TTBK2: variants seen among roughly 807,000 people sequenced by gnomAD.
TTBK2 encodes tau-tubulin kinase 2.
A neutral mutation model predicts 110.8 loss-of-function variants in TTBK2; 28 were observed. That is an observed-to-expected ratio of 0.25 (90% CI 0.19 to 0.35). TTBK2 has a LOEUF of 0.35. Ranked by LOEUF, TTBK2 falls within the 10% of genes least tolerant of loss-of-function variation. The pLI, the probability that TTBK2 is intolerant of heterozygous loss-of-function variation, is 1.00. For synonymous variants in TTBK2, 532 were observed against 527.3 expected, an observed-to-expected ratio of 1.01 and a Z score of -0.12; for missense variants, 1,369 against 1,500.3, an observed-to-expected ratio of 0.91 and a Z score of 1.45.
chr15:42,813,847 C>A (rs1891828897), intron 7 of TTBK2, among the ~76,000 whole-genome samples: 1 of 150,934 alleles, frequency 6.6e-6, no homozygotes, highest in Non-Finnish European at 1.5e-5. Flanking sequence ...GAGAGCAGGA[C>A]TCCATCTCTT....
At chr15:42,912,987 C>T (rs1275801026) in intron 1 of TTBK2, among the ~76,000 whole-genome samples, 3 of 145,870 alleles carry the variant, frequency 2.1e-5, no homozygotes, top group East Asian at 4.2e-4. Flanking sequence ...TAGCCGGGCG[C>T]GGTGGCGGGC....
intron 1 of TTBK2, among the ~76,000 whole-genome samples, chr15:42,887,064 C>T (rs1895274495): frequency 6.6e-6 from 1 of 152,162 alleles, no homozygotes; most frequent in East Asian, 1.9e-4. Flanking sequence ...GCTACCCACT[C>T]CACATTACCT....
Position 42,802,137 on chromosome 15 carries a change from C to T in TTBK2, c.823-7336G>A, listed in dbSNP as rs116649053. On this transcript the variant is annotated intron_variant, in intron 9 of 14. Coordinates refer to ENST00000267890, the MANE Select transcript of TTBK2 (RefSeq NM_173500.4). The stretch of plus-strand genomic sequence containing the variant: ...TGTTGTTGAGGGTCTTGATCTGCTT[C>T]TCCTCCTGGGTGCGCACGGCCTGGA... 9.9e-4 allele frequency: 1,416 copies of T among 1,431,186 alleles called. 17 individuals carry two copies. In the African/African-American group the frequency reaches 0.018, roughly 18 times the overall value. The allele number at this position is 1,431,186 out of a possible 1,614,324, so 88.7% of individuals were successfully genotyped here.
Position 42,801,133 on chromosome 15 carries a change from C to T in TTBK2, c.823-6332G>A, listed in dbSNP as rs773835277. The T allele has an allele frequency of 7.8e-6, 8 of 1,031,930 alleles. No homozygotes were observed. In the Admixed American group the frequency reaches 1.4e-4, roughly 17 times the overall value. 63.9% of individuals were successfully genotyped at this position (1,031,930 alleles called of 1,614,324 possible). ...CTGAGGCCAGGGCTTGTGAGGCCCC[C>T]ATAGGCCAAGCTCTGACCACCTGCA... On this transcript the variant is annotated intron_variant, in intron 9 of 14. Transcript: ENST00000267890.
chr15:42,873,439 C>T (rs1478226717), intron 2 of TTBK2, among the ~76,000 whole-genome samples: 3 of 151,688 alleles, frequency 2.0e-5, no homozygotes, highest in South Asian at 2.1e-4. Flanking sequence ...ATCTCAAAAA[C>T]GAAAAAAACA....
chr15:42,766,851 T>C (rs1453181258), intron 13 of TTBK2, among the ~76,000 whole-genome samples: 1 of 152,096 alleles, frequency 6.6e-6, no homozygotes, highest in Non-Finnish European at 1.5e-5. Context: ...CACCACATCA[T>C]ACTTATTCCA....
chr15:42,831,558 T>C (rs1449299993), intron 4 of TTBK2, among the ~76,000 whole-genome samples: 3 of 152,266 alleles, frequency 2.0e-5, no homozygotes, highest in African/African-American at 7.2e-5. Context: ...GCTGTTCCTG[T>C]GTCTGTTTTA....
At position 42,794,690 on chromosome 15, in the gene TTBK2, A is replaced by C; in HGVS notation, c.934T>G (p.Ser312Ala). ...CGAGTGTGCAACTGAGGGGTGGTAG[A>C]AGTAGTGGTGGTTGTTAGGGAGCCA... The part of the protein sequence containing the change: ...NDGSLTTTTT[S>A]TTPQLHTRLT... The change falls in exon 10 of 15, where the codon TCT (serine) becomes GCT (alanine). Residue 312 changes from serine to alanine, a missense_variant. Coordinates refer to ENST00000267890, the MANE Select transcript of TTBK2 (RefSeq NM_173500.4). 3 of 1,614,126 alleles carry C rather than the reference A, an allele frequency of 1.9e-6. No homozygotes were observed. Among genetic ancestry groups the C allele is most frequent in the South Asian group, 2.2e-5 (2 of 91,084 alleles).
intron 3 of TTBK2, among the ~76,000 whole-genome samples, chr15:42,862,825 T>C (rs1024641970): frequency 2.6e-5 from 4 of 151,952 alleles, no homozygotes; most frequent in Non-Finnish European, 4.4e-5. Flanking sequence ...GAGGCAGAGG[T>C]TGCAGTAATC....
At position 42,775,433 on chromosome 15, in the gene TTBK2, T is replaced by A; in HGVS notation, c.1700A>T (p.Asn567Ile). The change falls in exon 13 of 15, where the codon AAT becomes ATT. Residue 567 changes from asparagine to isoleucine, a missense_variant. Around this residue, in one of 4 missense-constraint regions of TTBK2, gnomAD observed 1,097 missense variants for 1,114.7 expected, o/e 0.98. Transcript: ENST00000267890. ...KEQDLQDFRTNEAVGHKTTGS... is the reference protein window; with the variant it reads ...KEQDLQDFRTIEAVGHKTTGS... ...AGTTGTTTTATGTCCTACAGCCTCA[T>A]TTGTCCTAAAATCCTGAAGGTCCTG... The A allele has an allele frequency of 6.2e-7, 1 of 1,614,200 alleles. No homozygotes were observed. The highest frequency in any genetic ancestry group is 8.5e-7 in the Non-Finnish European group (1 of 1,180,022).
intron 13 of TTBK2, among the ~76,000 whole-genome samples, chr15:42,774,080 A>G (rs1049916983): frequency 1.6e-4 from 25 of 152,306 alleles, no homozygotes; most frequent in African/African-American, 6.0e-4. Flanking sequence ...TTATTTCCCT[A>G]TTTTGGAGCA....
At chr15:42,809,792 C>T (rs1278313703) in intron 9 of TTBK2, among the ~76,000 whole-genome samples, 1 of 152,150 alleles carries the variant, frequency 6.6e-6, no homozygotes, top group South Asian at 2.1e-4. Flanking sequence ...GTATCTTATA[C>T]AAAAGCAGCA....
At position 42,743,203 on chromosome 15, in the gene TTBK2, T is replaced by A. The variant is rs754522242; in HGVS notation, c.*2592A>T. 2 of 152,240 alleles carry A rather than the reference T, an allele frequency of 1.3e-5. No homozygotes were observed. The highest frequency in any genetic ancestry group is 6.5e-5 in the Admixed American group (1 of 15,284). The allele number at this position is 152,240 out of a possible 1,614,324, so 9.4% of individuals were successfully genotyped here. A position where few individuals can be genotyped will look rare whatever the true frequency, so the allele number is the denominator to read the frequency against. Reference sequence around the variant, plus strand: ...TGCAAAATAAAATATTCTTAAACGATGGACTGTTTATCTCTGGATCTTGAT... The same window carrying A: ...TGCAAAATAAAATATTCTTAAACGAAGGACTGTTTATCTCTGGATCTTGAT... On this transcript the variant is annotated 3_prime_UTR_variant, in exon 15 of 15. Coordinates refer to ENST00000267890, the MANE Select transcript of TTBK2 (RefSeq NM_173500.4).
At chr15:42,826,800 C>T (rs1892554989) in intron 6 of TTBK2, among the ~76,000 whole-genome samples, 1 of 152,026 alleles carries the variant, frequency 6.6e-6, no homozygotes, top group East Asian at 1.9e-4. Flanking sequence ...TTTAGTTTGC[C>T]TAATGTTTTC....
At chr15:42,857,920 T>C (rs1894008856) in intron 3 of TTBK2, among the ~76,000 whole-genome samples, 1 of 151,862 alleles carries the variant, frequency 6.6e-6, no homozygotes, top group Non-Finnish European at 1.5e-5. Context: ...CTGTCTCTAC[T>C]AAAAATACAA....
intron 3 of TTBK2, among the ~76,000 whole-genome samples, chr15:42,862,107 C>CA (rs1382764106): frequency 3.3e-5 from 5 of 151,818 alleles, no homozygotes; most frequent in African/African-American, 4.8e-5. Flanking sequence ...ACCTACCAAC[C>CA]AAAAAAAGCT....
intron 7 of TTBK2, among the ~76,000 whole-genome samples, chr15:42,815,535 G>T (rs1251728989): frequency 1.3e-5 from 2 of 151,942 alleles, no homozygotes; most frequent in Non-Finnish European, 2.9e-5. Context: ...AAAATGCCCA[G>T]TTTTCCTACT....
At chr15:42,783,342 C>T in intron 11 of TTBK2, 77 bp downstream of exon 11, 7 of 1,440,866 alleles carry the variant, frequency 4.9e-6, no homozygotes, top group Non-Finnish European at 5.8e-6. Flanking sequence ...ACCAAATCTG[C>T]CTAGCCTTCC....
At chr15:42,843,987 CT>C (rs1055809758) in intron 3 of TTBK2, among the ~76,000 whole-genome samples, 3 of 152,092 alleles carry the variant, frequency 2.0e-5, no homozygotes, top group African/African-American at 4.8e-5. Context: ...CCCTAGCCCC[CT>C]GCCCACCAAA....
Sources: gnomAD v4.1 joint callset for allele counts (sites outside exome capture counted in the v4.1 genomes callset) on GRCh38, gnomAD v4.1.1 for gene constraint, gnomAD v4.1.1 regional missense constraint, MANE v1.5 for transcripts, NCBI Gene and HGNC (gene_info 2026-07-23, HGNC 2026-07-21) for gene names.